The following ABCD3 variants were observed in gnomAD, a reference collection of about 807,000 sequenced individuals.
ABCD3 encodes the protein ATP-binding cassette sub-family D member 3.
A neutral mutation model predicts 105.5 loss-of-function variants in ABCD3; 41 were observed. The observed-to-expected ratio is 0.39, with a 90% CI of 0.30 to 0.50. The LOEUF is 0.50. ABCD3 is among the 20% of genes least tolerant of loss of function. ABCD3 has a pLI of 0.84. For missense variants in ABCD3, 622 were observed against 806.3 expected (o/e 0.77, Z 2.77); for synonymous variants, 258 against 269.0 (o/e 0.96, Z 0.40).
chr1:94,461,599 A>G (rs955803839), intron 2 of ABCD3, among the ~76,000 whole-genome samples: 18 of 152,138 alleles, frequency 1.2e-4, no homozygotes, highest in African/African-American at 4.1e-4. Flanking sequence ...AGGTCACTTC[A>G]TGTTTAAAGC....
chr1:94,454,070 T>G (rs1181009035), intron 1 of ABCD3, among the ~76,000 whole-genome samples: 1 of 152,134 alleles, frequency 6.6e-6, no homozygotes, highest in African/African-American at 2.4e-5. Flanking sequence ...GTGTATGTAC[T>G]TGGGTATATT....
Position 94,464,755 on chromosome 1 carries a change from G to C in ABCD3, c.148-20G>C. On this transcript the variant is annotated intron_variant, in intron 2 of 22. Transcript: ENST00000370214. ...TGTTTGTTATAGCTATCTTAAAAGG[G>C]CTTCTTTTTTTTAATGCAGAAAGAG... 6.3e-7 allele frequency: 1 copy of C among 1,593,812 alleles called. No homozygotes were observed. The highest frequency in any genetic ancestry group is 8.6e-7 in the Non-Finnish European group (1 of 1,161,464).
chr1:94,409,669 C>T, the ABCD3 span, among the ~76,000 whole-genome samples: 2 of 152,140 alleles, frequency 1.3e-5, no homozygotes, highest in Non-Finnish European at 2.9e-5. Context: ...TATTTTAGAA[C>T]TTTCTGGCAT....
At chr1:94,423,999 G>A (rs902895675) in intron 1 of ABCD3, among the ~76,000 whole-genome samples, 3 of 152,142 alleles carry the variant, frequency 2.0e-5, no homozygotes, top group African/African-American at 7.2e-5. Context: ...AGAGCGGCTT[G>A]AGACCCTTAC....
intron 10 of ABCD3, among the ~76,000 whole-genome samples, chr1:94,485,702 G>C (rs1166754609): frequency 6.6e-6 from 1 of 152,048 alleles, no homozygotes; most frequent in Non-Finnish European, 1.5e-5. Flanking sequence ...TATATTTGCA[G>C]TCAACCCTCT....
chr1:94,393,448 G>T, the ABCD3 span, among the ~76,000 whole-genome samples: 3 of 152,028 alleles, frequency 2.0e-5, no homozygotes, highest in East Asian at 5.8e-4. Context: ...AGACCAGCCT[G>T]GTCAAGGTGG....
chr1:94,476,832 A>C (rs578018757), intron 7 of ABCD3, among the ~76,000 whole-genome samples: 1 of 152,114 alleles, frequency 6.6e-6, no homozygotes, highest in South Asian at 2.1e-4. Context: ...ATAGTTCAGT[A>C]ATTAAGCTTT....
the ABCD3 span, among the ~76,000 whole-genome samples, chr1:94,395,292 G>A: frequency 6.6e-6 from 1 of 152,196 alleles, no homozygotes; most frequent in Non-Finnish European, 1.5e-5. Context: ...ATTAATGAAG[G>A]TGCTGTTCAC....
intron 1 of ABCD3, among the ~76,000 whole-genome samples, chr1:94,427,045 C>A (rs1170270392): frequency 6.6e-6 from 1 of 152,088 alleles, no homozygotes; most frequent in African/African-American, 2.4e-5. Context: ...CCACTATAAT[C>A]TTTCTATTAA....
chr1:94,503,779 T>A (rs1481892348), intron 20 of ABCD3, among the ~76,000 whole-genome samples: 1 of 152,014 alleles, frequency 6.6e-6, no homozygotes, highest in Admixed American at 6.6e-5. Flanking sequence ...TGGTAGTGAT[T>A]AAAACAGTCT....
intron 7 of ABCD3, among the ~76,000 whole-genome samples, chr1:94,476,407 T>C (rs1210298971): frequency 6.6e-6 from 1 of 152,168 alleles, no homozygotes; most frequent in African/African-American, 2.4e-5. Flanking sequence ...GACTATGATA[T>C]GTAGTAGGCA....
At chr1:94,459,430 G>T (rs1647760332) in intron 2 of ABCD3, among the ~76,000 whole-genome samples, 1 of 152,022 alleles carries the variant, frequency 6.6e-6, no homozygotes, top group South Asian at 2.1e-4. Context: ...TGACTAGCAT[G>T]GAATATATCA....
intron 1 of ABCD3, among the ~76,000 whole-genome samples, chr1:94,432,265 T>C (rs1251302978): frequency 2.0e-5 from 3 of 152,168 alleles, no homozygotes; most frequent in Non-Finnish European, 4.4e-5. Flanking sequence ...TGAGTATGAG[T>C]AGACCTGTGG....
At position 94,517,254 on chromosome 1, in the gene ABCD3, A is replaced by G. The variant is rs337592; in HGVS notation, c.*125A>G. The G allele has an allele frequency of 0.076, 55,334 of 724,756 alleles. 2,689 individuals are homozygous for G. The highest frequency in any genetic ancestry group is 0.14 in the African/African-American group (7,618 of 56,066). The allele number at this position is 724,756 out of a possible 1,614,324, so 44.9% of individuals were successfully genotyped here. ...AAAAAAAAAAACAAAGCAACAAATT[A>G]ACTAGATACAGAATAATGGAGAACA... On this transcript the variant is annotated 3_prime_UTR_variant, in exon 23 of 23. Coordinates refer to ENST00000370214, the MANE Select transcript of ABCD3 (RefSeq NM_002858.4).
chr1:94,511,317 T>G (rs997270997), intron 21 of ABCD3, among the ~76,000 whole-genome samples: 12 of 152,214 alleles, frequency 7.9e-5, no homozygotes, highest in Admixed American at 2.0e-4. Flanking sequence ...TTGAATATTG[T>G]CCCCCACTCT....
At chr1:94,398,806 C>A in the ABCD3 span, among the ~76,000 whole-genome samples, 2 of 152,044 alleles carry the variant, frequency 1.3e-5, no homozygotes, top group African/African-American at 2.4e-5. Context: ...TCCAGCTACT[C>A]TGGAGGCTGA....
chr1:94,474,663 T>C (rs1397174770), intron 5 of ABCD3, among the ~76,000 whole-genome samples: 1 of 151,462 alleles, frequency 6.6e-6, no homozygotes, highest in Non-Finnish European at 1.5e-5. Flanking sequence ...TGGAAAATGT[T>C]AGTAAAGATG....
Position 94,499,497 on chromosome 1 carries a change from A to G in ABCD3, c.1623A>G (p.Val541=). ...DQKRKGISDL[V]LKEYLDNVQL... ...ATCTTTAATCATTTTGCTGAAAGGT[A>G]CTGAAGGAATACTTAGACAATGTCC... is the stretch of plus-strand genomic sequence containing the variant. Residue 541 remains valine, a splice_region_variant and synonymous_variant, in exon 20 of 23, where the codon GTA becomes GTG. Transcript: ENST00000370214. The G allele has an allele frequency of 4.3e-6, 7 of 1,613,330 alleles. No individual in the cohort carries two copies. Among genetic ancestry groups the G allele is most frequent in the Non-Finnish European group, 5.9e-6 (7 of 1,179,420 alleles).
At chr1:94,492,878 A>G (rs576501673) in intron 16 of ABCD3, among the ~76,000 whole-genome samples, 140 of 152,202 alleles carry the variant, frequency 9.2e-4, no homozygotes, top group Non-Finnish European at 1.6e-3. Context: ...ATGTTACCAC[A>G]CTAAAGCTGT....
Sources: allele counts gnomAD v4.1 joint callset (sites outside exome capture counted in the v4.1 genomes callset), GRCh38; gene constraint gnomAD v4.1.1; transcripts MANE v1.5; gene names NCBI Gene and HGNC (gene_info 2026-07-23, HGNC 2026-07-21).